Variants in SLC12A7 observed in about 807,000 individuals in gnomAD.
SLC12A7 encodes the protein K-Cl cotransporter 4.
In SLC12A7, 100 loss-of-function variants were observed where a neutral mutation model predicts 120.6. The observed-to-expected ratio is 0.83, with a 90% CI of 0.71 to 0.98. The LOEUF (loss-of-function observed/expected upper bound fraction) is 0.98. SLC12A7 is among the 50% of genes least tolerant of loss of function. SLC12A7 has a pLI of 0.00. For synonymous variants in SLC12A7, 760 were observed against 678.0 expected, an observed-to-expected ratio of 1.12 and a Z score of -1.88; for missense variants, 1,373 against 1,548.1, an observed-to-expected ratio of 0.89 and a Z score of 1.90.
rs377212486 is a variant in SLC12A7 at position 1,092,067 on chromosome 5, A to G, written c.342+1466T>C. Among the ~76,000 whole-genome samples, 42 of 152,336 alleles carry G rather than the reference A, an allele frequency of 2.8e-4. No individual in the cohort carries two copies. In the East Asian group the frequency reaches 5.4e-3, roughly 20 times the overall value. ...GAGGGCCCTCATCAGGCCAGGCCCC[A>G]CCCCAAGGTGGTCTCACGGTCACGT... is the stretch of plus-strand genomic sequence containing the variant. On this transcript the variant is annotated intron_variant, in intron 3 of 23. Coordinates refer to ENST00000264930, the MANE Select transcript of SLC12A7 (RefSeq NM_006598.3).
intron 22 of SLC12A7, among the ~76,000 whole-genome samples, chr5:1,054,258 CCT>C (rs745407077): frequency 6.6e-6 from 1 of 152,258 alleles, no homozygotes; most frequent in Admixed American, 6.5e-5. Flanking sequence ...CACGACCCTC[CCT>C]GTCTGCTCTC....
At chr5:1,095,014 G>GGCGGGGGGCCA (rs1441721518) in intron 1 of SLC12A7, among the ~76,000 whole-genome samples, 2 of 124,816 alleles carry the variant, frequency 1.6e-5, no homozygotes, top group East Asian at 2.3e-4. Flanking sequence ...GTCGGTAGGA[G>GGCGGGGGGCCA]GTGGGGGCGG....
At chr5:1,145,002 A>C in the SLC12A7 span, among the ~76,000 whole-genome samples, 1 of 152,224 alleles carries the variant, frequency 6.6e-6, no homozygotes, top group Non-Finnish European at 1.5e-5. This position sits in a 1 kb window ranked among gnomAD's most constrained non-coding sequence, Gnocchi z 4.4. Flanking sequence ...AGCCAGCACC[A>C]CTGGACCAAC....
intron 9 of SLC12A7, among the ~76,000 whole-genome samples, chr5:1,080,028 T>C (rs565159877): frequency 6.6e-6 from 1 of 152,282 alleles, no homozygotes; most frequent in African/African-American, 2.4e-5. Context: ...TGGGGGCCAC[T>C]TCACGCCTGG....
At chr5:1,084,745 G>A (rs965833941) in intron 7 of SLC12A7, among the ~76,000 whole-genome samples, 13 of 152,286 alleles carry the variant, frequency 8.5e-5, no homozygotes, top group African/African-American at 3.1e-4. Flanking sequence ...CAAGGGGCTT[G>A]GCTGCTGGCC....
At chr5:1,062,022 G>A (rs979095543) in intron 20 of SLC12A7, among the ~76,000 whole-genome samples, 8 of 152,212 alleles carry the variant, frequency 5.3e-5, no homozygotes, top group African/African-American at 1.9e-4. Flanking sequence ...TTGTCCCTGC[G>A]GCCAGGGCTA....
intron 9 of SLC12A7, among the ~76,000 whole-genome samples, chr5:1,079,920 C>T (rs954432593): frequency 7.2e-5 from 11 of 152,354 alleles, no homozygotes; most frequent in Admixed American, 2.6e-4. Context: ...GCAGACGCTG[C>T]GACCCCTCCC....
At chr5:1,123,509 C>A in the SLC12A7 span, among the ~76,000 whole-genome samples, 1 of 152,208 alleles carries the variant, frequency 6.6e-6, no homozygotes, top group Admixed American at 6.5e-5. Context: ...TCCTCCCTGC[C>A]AAAGACCCCC....
At chr5:1,053,214 C>T (rs999073771) in intron 23 of SLC12A7, 135 bp downstream of exon 23, 11 of 1,165,036 alleles carry the variant, frequency 9.4e-6, no homozygotes, top group South Asian at 1.6e-5. Context: ...GCATCCCGGT[C>T]GTAGCTCCCA....
intron 1 of SLC12A7, among the ~76,000 whole-genome samples, chr5:1,106,303 CTT>C (rs1343182837): frequency 2.0e-5 from 3 of 152,126 alleles, no homozygotes; most frequent in South Asian, 2.1e-4. Context: ...AAATATAAAA[CTT>C]AGCCAGGCGC....
chr5:1,079,506 T>C lies in SLC12A7; in HGVS notation c.1298-10A>G, dbSNP rs749758602. 6 of 1,607,574 alleles carry C rather than the reference T, an allele frequency of 3.7e-6. No individual in the cohort carries two copies. Among genetic ancestry groups the C allele is most frequent in the Admixed American group, 1.7e-5 (1 of 59,982 alleles). On this transcript the variant is annotated splice_polypyrimidine_tract_variant and intron_variant, in intron 9 of 23. Coordinates refer to ENST00000264930, the MANE Select transcript of SLC12A7 (RefSeq NM_006598.3). ...GAACCCGCCATGATACCTGTGAACA[T>C]GGAAAATGCTGCAAAGACCCATCTG...
the SLC12A7 span, among the ~76,000 whole-genome samples, chr5:1,129,612 G>A: frequency 1.6e-4 from 25 of 152,286 alleles, 1 homozygote; most frequent in East Asian, 4.4e-3. Context: ...CAACCCCCGA[G>A]AGACACACTT....
chr5:1,128,973 C>G, the SLC12A7 span, among the ~76,000 whole-genome samples: 1 of 152,254 alleles, frequency 6.6e-6, no homozygotes, highest in Non-Finnish European at 1.5e-5. Context: ...CCTGCCAGCT[C>G]TGCTTTCAGC....
chr5:1,122,137 G>A, the SLC12A7 span, among the ~76,000 whole-genome samples: 1 of 152,174 alleles, frequency 6.6e-6, no homozygotes, highest in Non-Finnish European at 1.5e-5. Flanking sequence ...GGAACAGCAG[G>A]GAAGACAGGG....
At chr5:1,138,716 C>T in the SLC12A7 span, among the ~76,000 whole-genome samples, 2 of 152,186 alleles carry the variant, frequency 1.3e-5, no homozygotes, top group South Asian at 2.1e-4. Context: ...TGGAGGCCAC[C>T]GTTTAGTTTA....
At chr5:1,088,671 G>A (rs910075268) in intron 4 of SLC12A7, among the ~76,000 whole-genome samples, 4 of 152,184 alleles carry the variant, frequency 2.6e-5, no homozygotes, top group East Asian at 1.9e-4. Flanking sequence ...CCCGGGTGCC[G>A]CCCCATGACA....
the SLC12A7 span, among the ~76,000 whole-genome samples, chr5:1,119,125 G>T: frequency 1.3e-5 from 2 of 152,206 alleles, no homozygotes; most frequent in Admixed American, 6.5e-5. Context: ...CACAGGCAGG[G>T]GCCAGAGTCG....
chr5:1,090,315 G>A (rs545335573), intron 3 of SLC12A7, among the ~76,000 whole-genome samples: 1 of 152,324 alleles, frequency 6.6e-6, no homozygotes, highest in East Asian at 1.9e-4. Flanking sequence ...AATAATGTAA[G>A]AGCAGCTCGG....
At chr5:1,069,913 G>A (rs942853735) in intron 17 of SLC12A7, among the ~76,000 whole-genome samples, 67 of 152,152 alleles carry the variant, frequency 4.4e-4, no homozygotes, top group Admixed American at 1.5e-3. Context: ...CATGCTACAC[G>A]CCCGGGGCAC....
Sources: gnomAD v4.1 joint callset for allele counts (sites outside exome capture counted in the v4.1 genomes callset) on GRCh38, gnomAD v4.1.1 for gene constraint, Gnocchi (gnomAD v3.1) non-coding constraint, MANE v1.5 for transcripts, NCBI Gene and HGNC (gene_info 2026-07-23, HGNC 2026-07-21) for gene names.